The following CNGB3 variants were observed in gnomAD, a reference collection of about 807,000 sequenced individuals.
CNGB3 encodes cyclic nucleotide-gated channel beta-3.
A neutral mutation model predicts 92.8 loss-of-function variants in CNGB3; 86 were observed. The observed-to-expected ratio is 0.93, with a 90% CI of 0.78 to 1.11. The LOEUF is 1.11. Ranked by LOEUF, CNGB3 falls within the 50% of genes least tolerant of loss-of-function variation. The pLI is 0.00. For synonymous variants in CNGB3, 333 were observed against 332.7 expected (o/e 1.00, Z -0.01); for missense variants, 1,026 against 956.8 (o/e 1.07, Z -0.95).
intron 8 of CNGB3, among the ~76,000 whole-genome samples, chr8:86,646,321 A>G (rs1823291665): frequency 6.6e-6 from 1 of 151,062 alleles, no homozygotes; most frequent in African/African-American, 2.4e-5. Flanking sequence ...GTTTGGAAAT[A>G]TGGGATAAAG....
chr8:86,660,633 T>C, intron 6 of CNGB3: 1 of 533,826 alleles, frequency 1.9e-6, no homozygotes. Flanking sequence ...CTGACTAAGA[T>C]GGCATTTATT....
At chr8:86,664,959 T>A (rs1186033820) in intron 6 of CNGB3, among the ~76,000 whole-genome samples, 2 of 152,190 alleles carry the variant, frequency 1.3e-5, no homozygotes, top group Admixed American at 1.3e-4. Context: ...TTCTGTGCTG[T>A]CCACCAGACA....
intron 3 of CNGB3, among the ~76,000 whole-genome samples, chr8:86,725,720 G>A (rs553589006): frequency 1.6e-4 from 25 of 152,200 alleles, no homozygotes; most frequent in Non-Finnish European, 2.8e-4. Flanking sequence ...CACAGTAGAG[G>A]TGCTGCTGAG....
chr8:86,631,784 A>G (rs1044269155), intron 11 of CNGB3, among the ~76,000 whole-genome samples: 2 of 152,150 alleles, frequency 1.3e-5, no homozygotes, highest in Admixed American at 1.3e-4. Flanking sequence ...TTTCATTAAC[A>G]TGTTAAGGCT....
intron 10 of CNGB3, among the ~76,000 whole-genome samples, chr8:86,635,183 C>T (rs1823038548): frequency 6.6e-6 from 1 of 152,026 alleles, no homozygotes; most frequent in East Asian, 1.9e-4. Context: ...TGCATTTTAA[C>T]TTTTCAAATT....
chr8:86,590,306 G>A (rs1006474666), intron 15 of CNGB3, among the ~76,000 whole-genome samples: 1 of 152,024 alleles, frequency 6.6e-6, no homozygotes, highest in African/African-American at 2.4e-5. Flanking sequence ...TTGCCAGTCT[G>A]TGTCTTTTAA....
At chr8:86,700,008 C>T (rs1164686526) in intron 3 of CNGB3, among the ~76,000 whole-genome samples, 3 of 152,078 alleles carry the variant, frequency 2.0e-5, no homozygotes, top group Non-Finnish European at 4.4e-5. Context: ...GCAAGACCCC[C>T]ACAAAATTTT....
intron 13 of CNGB3, among the ~76,000 whole-genome samples, chr8:86,619,520 T>C (rs1822685254): frequency 1.3e-5 from 2 of 152,142 alleles, no homozygotes; most frequent in African/African-American, 4.8e-5. Flanking sequence ...CAAATCTTAC[T>C]AATTAACCAC....
intron 1 of CNGB3, among the ~76,000 whole-genome samples, chr8:86,740,679 C>T (rs1825325323): frequency 6.6e-6 from 1 of 152,028 alleles, no homozygotes; most frequent in African/African-American, 2.4e-5. Flanking sequence ...TATTTATAAG[C>T]CTTGTGTTTC....
chr8:86,589,984 G>T (rs966232363), intron 15 of CNGB3, among the ~76,000 whole-genome samples: 24 of 145,838 alleles, frequency 1.6e-4, no homozygotes, highest in Admixed American at 9.6e-4. Context: ...AAGTCTCTTT[G>T]TAGGTCACTC....
Position 86,680,197 on chromosome 8 carries a change from G to A in CNGB3, c.339-9099C>T, listed in dbSNP as rs79413297. ...TTAGGCCAAATGCCATACATCCCGA[G>A]ATGACAGAAAAAAATGTTGTGAAAA... On this transcript the variant is annotated intron_variant, in intron 3 of 17. Coordinates refer to ENST00000320005, the MANE Select transcript of CNGB3 (RefSeq NM_019098.5). 4.1e-3 allele frequency among the ~76,000 whole-genome samples: 621 copies of A among 152,258 alleles called. 4 individuals are homozygous for A. The highest frequency in any genetic ancestry group is 0.014 in the African/African-American group (592 of 41,544).
intron 2 of CNGB3, among the ~76,000 whole-genome samples, chr8:86,736,258 T>C (rs1256738063): frequency 6.6e-6 from 1 of 152,128 alleles, no homozygotes; most frequent in Non-Finnish European, 1.5e-5. Context: ...CACTAATAAT[T>C]TTGCTTTTTC....
intron 15 of CNGB3, 80 bp from the exon 16 acceptor site, chr8:86,579,332 T>C: frequency 2.1e-6 from 3 of 1,462,590 alleles, no homozygotes; most frequent in Non-Finnish European, 2.9e-6. Context: ...TAGCAACTAT[T>C]ATAAGTATTT....
At chr8:86,598,066 A>G (rs1314690230) in intron 15 of CNGB3, among the ~76,000 whole-genome samples, 1 of 152,232 alleles carries the variant, frequency 6.6e-6, no homozygotes, top group African/African-American at 2.4e-5. Flanking sequence ...TGAAGTAGAG[A>G]GGTAGGCAGG....
chr8:86,662,073 C>T (rs1254383982), intron 6 of CNGB3, among the ~76,000 whole-genome samples: 1 of 152,220 alleles, frequency 6.6e-6, no homozygotes, highest in Non-Finnish European at 1.5e-5. Context: ...CCCGTGCCGC[C>T]GCCGCCAACT....
intron 6 of CNGB3, among the ~76,000 whole-genome samples, chr8:86,665,879 C>T (rs1823731916): frequency 6.6e-6 from 1 of 151,994 alleles, no homozygotes; most frequent in Non-Finnish European, 1.5e-5. Flanking sequence ...ATGTGTATCT[C>T]CTGAATATAA....
At chr8:86,628,619 A>G (rs1822896848) in intron 12 of CNGB3, among the ~76,000 whole-genome samples, 1 of 152,146 alleles carries the variant, frequency 6.6e-6, no homozygotes, top group South Asian at 2.1e-4. Context: ...GGGATAGACA[A>G]TGCCTAATTT....
intron 3 of CNGB3, among the ~76,000 whole-genome samples, chr8:86,709,102 G>A (rs149198249): frequency 2.0e-5 from 3 of 152,176 alleles, no homozygotes; most frequent in African/African-American, 4.8e-5. Flanking sequence ...AACAAGCTAG[G>A]TGTTGTGGGA....
rs577802424 is a variant in CNGB3, at chr8:86,606,379, G to A, written c.1663-2168C>T. Reference sequence around the variant, plus strand: ...TTGTCCAGGCTTGTCTTGAACTCCTGGACTTATGTGATCCTGCCACCTTGG... The same window carrying A: ...TTGTCCAGGCTTGTCTTGAACTCCTAGACTTATGTGATCCTGCCACCTTGG... On this transcript the variant is annotated intron_variant, in intron 14 of 17. Coordinates refer to ENST00000320005, the MANE Select transcript of CNGB3 (RefSeq NM_019098.5). 2.0e-5 allele frequency among the ~76,000 whole-genome samples: 3 copies of A among 151,992 alleles called. No individual in the cohort carries two copies. In the South Asian group the frequency reaches 6.2e-4, roughly 32 times the overall value.
Sources: gnomAD v4.1 joint callset for allele counts (sites outside exome capture counted in the v4.1 genomes callset) on GRCh38, gnomAD v4.1.1 for gene constraint, MANE v1.5 for transcripts, NCBI Gene and HGNC (gene_info 2026-07-23, HGNC 2026-07-21) for gene names.